ZMIZ1: variants seen among roughly 807,000 people sequenced by gnomAD.
The protein encoded by ZMIZ1 is zinc finger MIZ-type containing 1, also known as zinc finger MIZ domain-containing protein 1.
ZMIZ1 carries 17 observed loss-of-function variants against 113.9 expected under a neutral mutation model. The ratio of observed to expected loss-of-function variants is 0.15; its 90% CI spans 0.10 to 0.22. The LOEUF is 0.22. ZMIZ1 is among the 10% of genes least tolerant of loss of function. The pLI is 1.00. For missense variants in ZMIZ1, 1,059 were observed against 1,477.8 expected (o/e 0.72, Z 4.65); for synonymous variants, 607 against 603.1 (o/e 1.01, Z -0.09).
intron 8 of ZMIZ1, among the ~76,000 whole-genome samples, chr10:79,279,337 G>T (rs888357974): frequency 2.0e-5 from 3 of 151,870 alleles, no homozygotes; most frequent in African/African-American, 7.3e-5. Flanking sequence ...GGTCGCGGCC[G>T]GGCAGAGGTG....
At chr10:79,198,581 C>T (rs925036683) in intron 4 of ZMIZ1, among the ~76,000 whole-genome samples, 3 of 152,056 alleles carry the variant, frequency 2.0e-5, no homozygotes, top group Non-Finnish European at 2.9e-5. Context: ...GGTACAACCC[C>T]CACTTTCCCC....
chr10:79,083,421 GGAGA>G (rs1842721522), intron 1 of ZMIZ1, among the ~76,000 whole-genome samples: 1 of 152,164 alleles, frequency 6.6e-6, no homozygotes. Context: ...AGTGAGGGAA[GGAGA>G]GAGTGGGGAG....
chr10:79,288,240 G>C (rs896432530), intron 8 of ZMIZ1, among the ~76,000 whole-genome samples: 4 of 152,204 alleles, frequency 2.6e-5, no homozygotes, highest in African/African-American at 9.7e-5. Flanking sequence ...GATCTCCGCT[G>C]CCTGCGGGTC....
At chr10:79,142,782 A>G (rs1845328088) in intron 3 of ZMIZ1, among the ~76,000 whole-genome samples, 2 of 152,184 alleles carry the variant, frequency 1.3e-5, no homozygotes, top group South Asian at 4.1e-4. Flanking sequence ...TTCAGCTAGC[A>G]CTATGGACCT....
chr10:79,195,749 C>T (rs1847806489), intron 4 of ZMIZ1, among the ~76,000 whole-genome samples: 2 of 152,258 alleles, frequency 1.3e-5, no homozygotes, highest in African/African-American at 2.4e-5. Context: ...CAGTCACAGC[C>T]GGAGGTGGGG....
At chr10:79,216,550 G>C in intron 7 of ZMIZ1, 1 of 306,042 alleles carries the variant, frequency 3.3e-6, no homozygotes. Context: ...CTGTGCTACA[G>C]GCAGGACCAG....
intron 7 of ZMIZ1, among the ~76,000 whole-genome samples, chr10:79,244,640 A>T (rs2132852086): frequency 6.6e-6 from 1 of 152,334 alleles, no homozygotes; most frequent in East Asian, 1.9e-4. Context: ...AGCAGGGCTG[A>T]TGGCTCTTCC....
intron 1 of ZMIZ1, among the ~76,000 whole-genome samples, chr10:79,106,267 C>T (rs897046395): frequency 4.6e-5 from 7 of 152,246 alleles, no homozygotes; most frequent in Non-Finnish European, 1.0e-4. Context: ...TGTGGCTGAA[C>T]CCAGCAGAAT....
At chr10:79,104,519 G>T (rs1002050864) in intron 1 of ZMIZ1, among the ~76,000 whole-genome samples, 1 of 152,300 alleles carries the variant, frequency 6.6e-6, no homozygotes. Flanking sequence ...AGCTTGCAGG[G>T]GTGAATACCC....
chr10:79,075,178 G>A (rs552153696), intron 1 of ZMIZ1, among the ~76,000 whole-genome samples: 1 of 152,298 alleles, frequency 6.6e-6, no homozygotes. Flanking sequence ...GGGCTTGAGT[G>A]ATGGTGGGTG....
intron 2 of ZMIZ1, among the ~76,000 whole-genome samples, chr10:79,132,671 G>T (rs57715720): frequency 0.013 from 1,962 of 152,344 alleles, 37 homozygotes; most frequent in African/African-American, 0.045. Flanking sequence ...CAAGGTCACA[G>T]CACAAAGCAG....
intron 7 of ZMIZ1, among the ~76,000 whole-genome samples, chr10:79,257,317 G>A (rs1390100591): frequency 1.3e-5 from 2 of 152,234 alleles, no homozygotes; most frequent in South Asian, 2.1e-4. Context: ...TGGAAGGCAG[G>A]AGAAGCCGGA....
intron 3 of ZMIZ1, among the ~76,000 whole-genome samples, chr10:79,144,813 G>C (rs1357245391): frequency 6.6e-6 from 1 of 152,118 alleles, no homozygotes; most frequent in Non-Finnish European, 1.5e-5. Flanking sequence ...ATTCCCATTT[G>C]ATTTGTCATC....
At chr10:79,174,779 A>T (rs912273288) in intron 4 of ZMIZ1, among the ~76,000 whole-genome samples, 2 of 152,236 alleles carry the variant, frequency 1.3e-5, no homozygotes, top group Admixed American at 6.5e-5. Flanking sequence ...GGCTCAGTGT[A>T]AAACTCTGGA....
chr10:79,163,908 G>A (rs1465399976), intron 4 of ZMIZ1, among the ~76,000 whole-genome samples: 1 of 152,212 alleles, frequency 6.6e-6, no homozygotes, highest in South Asian at 2.1e-4. Context: ...TCTCCTTCAC[G>A]GTGGGTTCTC....
intron 4 of ZMIZ1, among the ~76,000 whole-genome samples, chr10:79,176,990 G>A (rs1272067772): frequency 1.3e-5 from 2 of 152,236 alleles, no homozygotes. Flanking sequence ...CACTGGGAAT[G>A]AGGCCCCTCA....
intron 1 of ZMIZ1, among the ~76,000 whole-genome samples, chr10:79,079,018 G>A (rs1404784496): frequency 2.0e-5 from 3 of 152,254 alleles, no homozygotes; most frequent in African/African-American, 4.8e-5. Flanking sequence ...GAGAGGAGGG[G>A]ACAGTGTCTG....
At position 79,157,588 on chromosome 10, in the gene ZMIZ1, C is replaced by T. The variant is rs576116067; in HGVS notation, c.-130-4465C>T. On this transcript the variant is annotated intron_variant, in intron 3 of 24. Coordinates refer to ENST00000334512, the MANE Select transcript of ZMIZ1 (RefSeq NM_020338.4). ...GGAGCCTCCTCTGGTGGGTGCATGG[C>T]TGGAGGGGTGATTTAGGGCTGCTTC... is the stretch of plus-strand genomic sequence containing the variant. Among the ~76,000 whole-genome samples the T allele has an allele frequency of 2.5e-3, 383 of 152,178 alleles. 1 individual carries two copies. Among genetic ancestry groups the T allele is most frequent in the African/African-American group, 8.5e-3 (353 of 41,512 alleles).
chr10:79,098,636 A>G (rs1843251072), intron 1 of ZMIZ1, among the ~76,000 whole-genome samples: 1 of 152,210 alleles, frequency 6.6e-6, no homozygotes, highest in Non-Finnish European at 1.5e-5. Context: ...AGATTCAGAG[A>G]GTTGAAGTGG....
Sources: allele counts gnomAD v4.1 joint callset (sites outside exome capture counted in the v4.1 genomes callset), GRCh38; gene constraint gnomAD v4.1.1; transcripts MANE v1.5; gene names NCBI Gene and HGNC (gene_info 2026-07-23, HGNC 2026-07-21).